The following TMEM74 variants were observed in gnomAD, a reference collection of about 807,000 sequenced individuals.
TMEM74 encodes transmembrane protein 74.
TMEM74 carries 13 observed loss-of-function variants against 18.1 expected under a neutral mutation model. That is an observed-to-expected ratio of 0.72 (90% confidence interval 0.47 to 1.14). The LOEUF is 1.14. Ranked by LOEUF, TMEM74 falls within the 50% of genes most tolerant of loss-of-function variation. The pLI is 0.00. For synonymous variants in TMEM74, 159 were observed against 146.6 expected (o/e 1.08, Z -0.61); for missense variants, 372 against 375.9 (o/e 0.99, Z 0.09).
chr8:108,718,994 G>A (rs149815049), intron 1 of TMEM74, among the ~76,000 whole-genome samples: 6 of 151,172 alleles, frequency 4.0e-5, no homozygotes, highest in South Asian at 2.1e-4. Flanking sequence ...GTATATATAC[G>A]TATATATACA....
At chr8:108,629,669 G>A (rs528396970) in intron 2 of TMEM74, among the ~76,000 whole-genome samples, 1 of 151,984 alleles carries the variant, frequency 6.6e-6, no homozygotes, top group African/African-American at 2.4e-5. Flanking sequence ...AAGAGAGTGG[G>A]GGCCAACATT....
At chr8:108,718,851 G>A (rs897063248) in intron 1 of TMEM74, among the ~76,000 whole-genome samples, 1 of 151,796 alleles carries the variant, frequency 6.6e-6, no homozygotes, top group African/African-American at 2.4e-5. Flanking sequence ...TATTCACATA[G>A]TTTAAATGTG....
At chr8:108,750,734 G>A (rs192872286) in intron 1 of TMEM74, among the ~76,000 whole-genome samples, 15 of 152,212 alleles carry the variant, frequency 9.9e-5, no homozygotes, top group African/African-American at 2.2e-4. Context: ...AACACACTGC[G>A]CATACTCAAC....
intron 1 of TMEM74, among the ~76,000 whole-genome samples, chr8:108,721,046 GGCGTGA>G (rs1275965183): frequency 6.6e-6 from 1 of 152,168 alleles, no homozygotes; most frequent in African/African-American, 2.4e-5. Flanking sequence ...TGGGATTACA[GGCGTGA>G]GCCACCGTGC....
chr8:108,642,481 C>T (rs965779421), intron 2 of TMEM74, among the ~76,000 whole-genome samples: 1 of 151,772 alleles, frequency 6.6e-6, no homozygotes, highest in Non-Finnish European at 1.5e-5. Context: ...AGAAAACAAT[C>T]GACAAAGCTG....
At chr8:108,755,850 CTT>C (rs1214864917) in intron 1 of TMEM74, among the ~76,000 whole-genome samples, 4 of 151,696 alleles carry the variant, frequency 2.6e-5, no homozygotes, top group Admixed American at 6.6e-5. Context: ...TTAAAATTAA[CTT>C]AAGGTTTAAA....
At chr8:108,717,686 G>A (rs578041343) in intron 1 of TMEM74, among the ~76,000 whole-genome samples, 2 of 152,104 alleles carry the variant, frequency 1.3e-5, no homozygotes, top group African/African-American at 2.4e-5. Context: ...TAGAAGGGGC[G>A]AGGGAATGGT....
At chr8:108,771,485 G>A (rs1390511398) in intron 1 of TMEM74, among the ~76,000 whole-genome samples, 1 of 152,078 alleles carries the variant, frequency 6.6e-6, no homozygotes, top group African/African-American at 2.4e-5. Flanking sequence ...AGATAACACT[G>A]TTTATATTTC....
intron 1 of TMEM74, among the ~76,000 whole-genome samples, chr8:108,765,432 A>C (rs924203612): frequency 1.5e-5 from 1 of 64,572 alleles, no homozygotes; most frequent in African/African-American, 6.4e-5. Flanking sequence ...TTTTAGATGG[A>C]GTCTCACTCT....
At chr8:108,730,212 T>G (rs891373196) in intron 1 of TMEM74, among the ~76,000 whole-genome samples, 7 of 152,144 alleles carry the variant, frequency 4.6e-5, no homozygotes, top group African/African-American at 1.2e-4. Context: ...TGCTGATCAA[T>G]AGAGTGGGGC....
At chr8:108,765,923 GA>G (rs199683732) in intron 1 of TMEM74, among the ~76,000 whole-genome samples, 5 of 120,980 alleles carry the variant, frequency 4.1e-5, no homozygotes, top group East Asian at 2.4e-4. Context: ...CTCTAAATGT[GA>G]AAAAAAAAGT....
intron 1 of TMEM74, among the ~76,000 whole-genome samples, chr8:108,712,168 T>C (rs1239685893): frequency 6.6e-6 from 1 of 152,104 alleles, no homozygotes. Context: ...TGATGCATGC[T>C]TAAGTTTGAG....
At chr8:108,624,457 G>C (rs374252287) in intron 2 of TMEM74, among the ~76,000 whole-genome samples, 18 of 152,146 alleles carry the variant, frequency 1.2e-4, no homozygotes, top group African/African-American at 4.3e-4. Context: ...CCAGTTGTCT[G>C]TAGAACACCT....
At chr8:108,743,213 G>C (rs72675034) in intron 1 of TMEM74, among the ~76,000 whole-genome samples, 1 of 152,154 alleles carries the variant, frequency 6.6e-6, no homozygotes, top group South Asian at 2.1e-4. Context: ...GTTGTTTACT[G>C]TACGTAAATA....
At chr8:108,756,404 A>G (rs1813959814) in intron 1 of TMEM74, among the ~76,000 whole-genome samples, 1 of 151,464 alleles carries the variant, frequency 6.6e-6, no homozygotes, top group Non-Finnish European at 1.5e-5. Flanking sequence ...CTGTTCCAGT[A>G]AGTGTATTCT....
intron 1 of TMEM74, among the ~76,000 whole-genome samples, chr8:108,786,723 G>A (rs1010249154): frequency 6.6e-6 from 1 of 152,126 alleles, no homozygotes; most frequent in Non-Finnish European, 1.5e-5. Context: ...ATCAATTACC[G>A]ATAACTCTTC....
intron 2 of TMEM74, among the ~76,000 whole-genome samples, chr8:108,623,442 C>T (rs918895354): frequency 1.3e-5 from 2 of 152,060 alleles, no homozygotes; most frequent in African/African-American, 4.8e-5. Flanking sequence ...TAACGGGCTT[C>T]ATTGCTGGTC....
intron 1 of TMEM74, among the ~76,000 whole-genome samples, chr8:108,725,670 C>G (rs545259880): frequency 6.6e-6 from 1 of 152,072 alleles, no homozygotes; most frequent in Admixed American, 6.5e-5. Context: ...GGAACTTGCT[C>G]AAGGAGATTA....
intron 2 of TMEM74, among the ~76,000 whole-genome samples, chr8:108,636,019 T>C (rs1459291255): frequency 1.3e-4 from 20 of 152,088 alleles, no homozygotes; most frequent in Admixed American, 1.3e-3. Flanking sequence ...TCCTTTCATA[T>C]ACATTATCTT....
Sources: gnomAD v4.1 joint callset for allele counts (sites outside exome capture counted in the v4.1 genomes callset) on GRCh38, gnomAD v4.1.1 for gene constraint, MANE v1.5 for transcripts, NCBI Gene and HGNC (gene_info 2026-07-23, HGNC 2026-07-21) for gene names.